The following KCNJ15 variants were observed in gnomAD, a reference collection of about 807,000 sequenced individuals.
KCNJ15 encodes the protein potassium inwardly rectifying channel subfamily J member 15, also known as ATP-sensitive inward rectifier potassium channel 15.
A neutral mutation model predicts 23.0 loss-of-function variants in KCNJ15; 14 were observed. The observed-to-expected ratio is 0.61, with a 90% CI of 0.40 to 0.95. The LOEUF (loss-of-function observed/expected upper bound fraction) is 0.95. Ranked by LOEUF, KCNJ15 falls within the 40% of genes least tolerant of loss-of-function variation. The probability of loss-of-function intolerance (pLI) is 0.00; values close to 1 mark genes in which losing one functional copy is unlikely to be tolerated. For synonymous variants in KCNJ15, 185 were observed against 183.2 expected (o/e 1.01, Z -0.08); for missense variants, 388 against 461.8 (o/e 0.84, Z 1.46).
chr21:38,249,554 AC>A (rs967517390), intron 1 of KCNJ15, among the ~76,000 whole-genome samples: 2 of 152,150 alleles, frequency 1.3e-5, no homozygotes, highest in African/African-American at 4.8e-5. Flanking sequence ...AGGTGAAACA[AC>A]TCCAGGAATT....
rs1279850578 is a variant in KCNJ15, at chr21:38,302,182, A to G, written c.*1793A>G. ...GTCCTTGACAAATATGTTCATGTCT[A>G]TTTGGTTCTAGTTCTATAAAAATAT... On this transcript the variant is annotated 3_prime_UTR_variant, in exon 3 of 3. Transcript: ENST00000398938. The G allele has an allele frequency of 6.6e-6, 1 of 152,248 alleles. No homozygotes were observed. Among genetic ancestry groups the G allele is most frequent in the Non-Finnish European group, 1.5e-5 (1 of 68,034 alleles). 9.4% of individuals were successfully genotyped at this position (152,248 alleles called of 1,614,324 possible).
intron 1 of KCNJ15, among the ~76,000 whole-genome samples, chr21:38,261,575 A>T (rs962725045): frequency 4.6e-5 from 7 of 152,182 alleles, no homozygotes; most frequent in African/African-American, 1.7e-4. Flanking sequence ...ACCAATCTTA[A>T]TGCTATCTAG....
chr21:38,284,582 A>G (rs951432936), intron 1 of KCNJ15, among the ~76,000 whole-genome samples: 1 of 152,160 alleles, frequency 6.6e-6, no homozygotes, highest in Non-Finnish European at 1.5e-5. Flanking sequence ...TTTCCAATAC[A>G]TTCCCTATGC....
At chr21:38,271,864 C>A (rs905820368) in intron 1 of KCNJ15, among the ~76,000 whole-genome samples, 4 of 152,192 alleles carry the variant, frequency 2.6e-5, no homozygotes, top group Non-Finnish European at 1.5e-5. Flanking sequence ...GTGAGATCCA[C>A]CCACTGTCAT....
At chr21:38,280,531 C>A (rs1386349783) in intron 1 of KCNJ15, among the ~76,000 whole-genome samples, 1 of 152,138 alleles carries the variant, frequency 6.6e-6, no homozygotes, top group Non-Finnish European at 1.5e-5. Flanking sequence ...ATAAGCGACG[C>A]CTGACTTAGC....
intron 1 of KCNJ15, among the ~76,000 whole-genome samples, chr21:38,276,577 G>A (rs993642469): frequency 8.5e-5 from 13 of 152,246 alleles, no homozygotes; most frequent in Admixed American, 7.2e-4. Flanking sequence ...TGAGAGGAAG[G>A]AGAAGCAGAA....
intron 2 of KCNJ15, among the ~76,000 whole-genome samples, chr21:38,298,954 A>G (rs1569019780): frequency 6.6e-6 from 1 of 152,122 alleles, no homozygotes; most frequent in African/African-American, 2.4e-5. Flanking sequence ...TTGTATTGCC[A>G]TTTTAAACAC....
intron 1 of KCNJ15, among the ~76,000 whole-genome samples, chr21:38,276,574 A>C (rs1283377307): frequency 6.6e-6 from 1 of 152,170 alleles, no homozygotes; most frequent in Non-Finnish European, 1.5e-5. Context: ...GGGTGAGAGG[A>C]AGGAGAAGCA....
chr21:38,242,385 T>C (rs1293680212), intron 1 of KCNJ15, among the ~76,000 whole-genome samples: 1 of 152,134 alleles, frequency 6.6e-6, no homozygotes, highest in Non-Finnish European at 1.5e-5. Context: ...GAACCAAGAT[T>C]GCACACGGGG....
At chr21:38,294,925 G>A (rs1026598393) in intron 1 of KCNJ15, among the ~76,000 whole-genome samples, 1 of 152,074 alleles carries the variant, frequency 6.6e-6, no homozygotes, top group African/African-American at 2.4e-5. Flanking sequence ...GGTAGATATC[G>A]CCATTCTAAA....
intron 1 of KCNJ15, among the ~76,000 whole-genome samples, chr21:38,295,829 A>T (rs1985095195): frequency 6.6e-6 from 1 of 152,248 alleles, no homozygotes. Context: ...AGTGCAATTC[A>T]TAAAGCCTAT....
At chr21:38,269,422 C>T (rs908899880) in intron 1 of KCNJ15, among the ~76,000 whole-genome samples, 1 of 152,176 alleles carries the variant, frequency 6.6e-6, no homozygotes, top group Non-Finnish European at 1.5e-5. Context: ...CTATGAACAA[C>T]TATTGTTGTC....
rs1985929813 is a variant in KCNJ15 at position 38,303,471 on chromosome 21, C to T, written c.*3082C>T. 1 of 152,000 alleles carries T rather than the reference C, an allele frequency of 6.6e-6. No homozygotes were observed. Among genetic ancestry groups the T allele is most frequent in the Non-Finnish European group, 1.5e-5 (1 of 68,004 alleles). 9.4% of individuals were successfully genotyped at this position (152,000 alleles called of 1,614,324 possible). ...TCTTATTCAGCAATAAAATAGTGCT[C>T]ACATGGTGCCTGGCAGACAGTGGCT... On this transcript the variant is annotated 3_prime_UTR_variant, in exon 3 of 3. Coordinates refer to ENST00000398938, the MANE Select transcript of KCNJ15 (RefSeq NM_170736.3).
chr21:38,266,552 G>A (rs936635742), intron 1 of KCNJ15, among the ~76,000 whole-genome samples: 2 of 152,142 alleles, frequency 1.3e-5, no homozygotes, highest in African/African-American at 4.8e-5. Flanking sequence ...GGGCATTAGG[G>A]TTGATTCCAG....
At chr21:38,263,888 A>G (rs1470311840) in intron 1 of KCNJ15, among the ~76,000 whole-genome samples, 1 of 151,978 alleles carries the variant, frequency 6.6e-6, no homozygotes, top group Non-Finnish European at 1.5e-5. Flanking sequence ...AATTTAAGTG[A>G]ATTTACAAAG....
intron 1 of KCNJ15, among the ~76,000 whole-genome samples, chr21:38,261,218 T>A (rs1980858961): frequency 6.6e-6 from 1 of 152,178 alleles, no homozygotes; most frequent in Admixed American, 6.5e-5. Context: ...TTTTCTTTAG[T>A]GTCTACACTG....
At chr21:38,284,094 C>G (rs1983639746) in intron 1 of KCNJ15, among the ~76,000 whole-genome samples, 1 of 152,130 alleles carries the variant, frequency 6.6e-6, no homozygotes, top group Non-Finnish European at 1.5e-5. Flanking sequence ...CTGCACAGAC[C>G]CTAGTGCTTA....
intron 1 of KCNJ15, among the ~76,000 whole-genome samples, chr21:38,243,281 G>A (rs1426716129): frequency 1.3e-5 from 2 of 151,970 alleles, no homozygotes; most frequent in African/African-American, 2.4e-5. Flanking sequence ...TTACACTCAG[G>A]TGCTCAATAA....
intron 1 of KCNJ15, among the ~76,000 whole-genome samples, chr21:38,245,647 GAGAC>G (rs1295272164): frequency 6.6e-6 from 1 of 150,406 alleles, no homozygotes; most frequent in Admixed American, 6.7e-5. Context: ...AAGGGAAAGA[GAGAC>G]AGAGAAAGGA....
Sources: gnomAD v4.1 joint callset for allele counts (sites outside exome capture counted in the v4.1 genomes callset) on GRCh38, gnomAD v4.1.1 for gene constraint, MANE v1.5 for transcripts, NCBI Gene and HGNC (gene_info 2026-07-23, HGNC 2026-07-21) for gene names.